SPTB: variants seen among roughly 807,000 people sequenced by gnomAD.
SPTB encodes the protein spectrin beta, erythrocytic, also known as spectrin beta chain, erythrocytic.
A neutral mutation model predicts 256.2 loss-of-function variants in SPTB; 45 were observed. The observed-to-expected ratio is 0.18, with a 90% CI of 0.14 to 0.23. The LOEUF is 0.23. SPTB is among the 10% of genes least tolerant of loss of function. The probability of loss-of-function intolerance (pLI) is 1.00; values close to 1 mark genes in which losing one functional copy is unlikely to be tolerated. For missense variants in SPTB, 2,715 were observed against 3,040.4 expected, an observed-to-expected ratio of 0.89 and a Z score of 2.52; for synonymous variants, 1,231 against 1,243.1, an observed-to-expected ratio of 0.99 and a Z score of 0.21.
rs1391914422 is a variant in SPTB at position 64,792,415 on chromosome 14, T to C, written c.2667-559A>G. 1.3e-5 allele frequency among the ~76,000 whole-genome samples: 2 copies of C among 152,210 alleles called. No homozygotes were observed. The highest frequency in any genetic ancestry group is 2.9e-5 in the Non-Finnish European group (2 of 68,034). On this transcript the variant is annotated intron_variant, in intron 14 of 35. Coordinates refer to ENST00000644917, the MANE Select transcript of SPTB (RefSeq NM_001355436.2). This position sits in a 1 kb window ranked among gnomAD's most constrained non-coding sequence, Gnocchi z 4.2. ...CTCCAGCATCAGTGCAGCACCACCTTGGCACTGTTCCAGAGAGCGGCCTCT... is the reference window on the plus strand; with the variant it reads ...CTCCAGCATCAGTGCAGCACCACCTCGGCACTGTTCCAGAGAGCGGCCTCT...
chr14:64,830,355 A>G (rs868623072), intron 1 of SPTB, among the ~76,000 whole-genome samples: 2 of 128,112 alleles, frequency 1.6e-5, no homozygotes, highest in African/African-American at 3.5e-5. Flanking sequence ...TATTATTATT[A>G]TTATTATTAT....
chr14:64,859,657 T>A (rs1170116790), intron 1 of SPTB, among the ~76,000 whole-genome samples: 2 of 151,802 alleles, frequency 1.3e-5, no homozygotes, highest in African/African-American at 4.9e-5. Flanking sequence ...GGTGGGTGGA[T>A]CACTTGAGCC....
chr14:64,870,164 C>T (rs1882445380), intron 1 of SPTB, among the ~76,000 whole-genome samples: 1 of 152,080 alleles, frequency 6.6e-6, no homozygotes, highest in Non-Finnish European at 1.5e-5. Flanking sequence ...GCAATCAGCG[C>T]TACCCCAGGA....
At position 64,779,113 on chromosome 14, in the gene SPTB, G is replaced by C. The variant is rs771205408; in HGVS notation, c.4563+44C>G. 1 of 1,529,802 alleles carries C rather than the reference G, an allele frequency of 6.5e-7. No individual in the cohort carries two copies. Among genetic ancestry groups the C allele is most frequent in the East Asian group, 2.3e-5 (1 of 43,048 alleles). The allele number at this position is 1,529,802 out of a possible 1,614,324, so 94.8% of individuals were successfully genotyped here. A position where few individuals can be genotyped will look rare whatever the true frequency, so the allele number is the denominator to read the frequency against. On this transcript the variant is annotated intron_variant, in intron 22 of 35. Transcript: ENST00000644917. The surrounding 1 kb of genome is among the most constrained non-coding windows in gnomAD (Gnocchi z 4.2). The stretch of plus-strand genomic sequence containing the variant: ...CCTACCCCCGTGGGGCCAGGTGGGG[G>C]TGAGGAGGGGTGGGTGGGGCTGGTG...
chr14:64,875,523 C>CA (rs1297529171), intron 1 of SPTB, among the ~76,000 whole-genome samples: 1 of 152,228 alleles, frequency 6.6e-6, no homozygotes, highest in Non-Finnish European at 1.5e-5. Context: ...TCTCCATCTC[C>CA]AAAACAGGTG....
intron 3 of SPTB, 56 bp from the exon 4 acceptor site, chr14:64,803,836 G>A (rs914426015): frequency 2.6e-6 from 4 of 1,545,680 alleles, no homozygotes; most frequent in Non-Finnish European, 3.5e-6. Flanking sequence ...TCATCCCAGA[G>A]GCTGCAGCGT....
chr14:64,790,225 T>C lies in SPTB; in HGVS notation c.2804+1494A>G, dbSNP rs529870245. Among the ~76,000 whole-genome samples the C allele has an allele frequency of 1.3e-5, 2 of 152,164 alleles. No homozygotes were observed. Among genetic ancestry groups the C allele is most frequent in the African/African-American group, 2.4e-5 (1 of 41,430 alleles). The stretch of plus-strand genomic sequence containing the variant: ...TTTAATTTCATGCCTCGGGTTTTTT[T>C]CTCACTTAAGGATGGCAGGTACCTT... On this transcript the variant is annotated intron_variant, in intron 15 of 35. Coordinates refer to ENST00000644917, the MANE Select transcript of SPTB (RefSeq NM_001355436.2). The surrounding 1 kb of genome is among the most constrained non-coding windows in gnomAD (Gnocchi z 4.8).
rs1412652366 is a variant in SPTB at position 64,816,400 on chromosome 14, C to T, written c.148+6547G>A. ...CCCAGGACCTTGGCAACACCGGTGGCCTATCAGGCCTGTGAAGTGGCCCCT... is the reference window on the plus strand; with the variant it reads ...CCCAGGACCTTGGCAACACCGGTGGTCTATCAGGCCTGTGAAGTGGCCCCT... On this transcript the variant is annotated intron_variant, in intron 2 of 35. Coordinates refer to ENST00000644917, the MANE Select transcript of SPTB (RefSeq NM_001355436.2). This position sits in a 1 kb window ranked among gnomAD's most constrained non-coding sequence, Gnocchi z 4.2. 6.6e-6 allele frequency among the ~76,000 whole-genome samples: 1 copy of T among 152,176 alleles called. No homozygotes were observed.
chr14:64,779,315 G>T lies in SPTB; in HGVS notation c.4474-69C>A. On this transcript the variant is annotated intron_variant, in intron 21 of 35. Transcript: ENST00000644917. The surrounding 1 kb of genome is among the most constrained non-coding windows in gnomAD (Gnocchi z 4.2). ...CCAACCTTTCCTGAGTGCTCACCAT[G>T]GGCGGCGCAGAGCTTTGCTGGCAGT... The T allele has an allele frequency of 7.6e-7, 1 of 1,318,898 alleles. No homozygotes were observed. Among genetic ancestry groups the T allele is most frequent in the Non-Finnish European group, 1.1e-6 (1 of 927,330 alleles). The allele number at this position is 1,318,898 out of a possible 1,614,324, so 81.7% of individuals were successfully genotyped here. A position where few individuals can be genotyped will look rare whatever the true frequency, so the allele number is the denominator to read the frequency against.
intron 2 of SPTB, among the ~76,000 whole-genome samples, chr14:64,814,536 G>C (rs1171852844): frequency 1.3e-5 from 2 of 152,026 alleles, no homozygotes; most frequent in African/African-American, 4.8e-5. Context: ...TTATTTTTGA[G>C]GCAGAGTCTC....
In SPTB at chr14:64,766,709, C is replaced by T. The variant is rs770745304; in HGVS notation, c.6345+17G>A. 16 of 1,613,484 alleles carry T rather than the reference C, an allele frequency of 9.9e-6. No homozygotes were observed. Among genetic ancestry groups the T allele is most frequent in the Admixed American group, 5.0e-5 (3 of 59,986 alleles). On this transcript the variant is annotated intron_variant, in intron 32 of 35. Transcript: ENST00000644917. Reference sequence around the variant, plus strand: ...CAGTGACTCCCAGGAACTAGACAAACGAGACCAGAGACTGACCGGGGACGT... The same window carrying T: ...CAGTGACTCCCAGGAACTAGACAAATGAGACCAGAGACTGACCGGGGACGT...
chr14:64,772,490 T>C lies in SPTB; in HGVS notation c.5553+90A>G. ...AGGCAAAACCTCCTGGCACTTATCC[T>C]AGAGGTTTTCCTGCTGACAGCCAGG... On this transcript the variant is annotated intron_variant, in intron 26 of 35. Coordinates refer to ENST00000644917, the MANE Select transcript of SPTB (RefSeq NM_001355436.2). The surrounding 1 kb of genome is among the most constrained non-coding windows in gnomAD (Gnocchi z 5.4). 5 of 1,547,892 alleles carry C rather than the reference T, an allele frequency of 3.2e-6. No individual in the cohort carries two copies. Among genetic ancestry groups the C allele is most frequent in the Non-Finnish European group, 4.3e-6 (5 of 1,151,294 alleles).
rs1279278199 is a variant in SPTB, at chr14:64,826,022, C to T, written c.-51-2877G>A. Among the ~76,000 whole-genome samples, 2 of 152,170 alleles carry T rather than the reference C, an allele frequency of 1.3e-5. No individual in the cohort carries two copies. The highest frequency in any genetic ancestry group is 4.8e-5 in the African/African-American group (2 of 41,432). ...TTGGAAAGAGTCAGGTCCCTGAAAACAAACACCAAGGAAAGATGATTCAGA... is the reference window on the plus strand; with the variant it reads ...TTGGAAAGAGTCAGGTCCCTGAAAATAAACACCAAGGAAAGATGATTCAGA... On this transcript the variant is annotated intron_variant, in intron 1 of 35. Coordinates refer to ENST00000644917, the MANE Select transcript of SPTB (RefSeq NM_001355436.2). This position sits in a 1 kb window ranked among gnomAD's most constrained non-coding sequence, Gnocchi z 4.4.
At chr14:64,843,056 C>T (rs56018235) in intron 1 of SPTB, among the ~76,000 whole-genome samples, 4,675 of 151,906 alleles carry the variant, frequency 0.031, 95 homozygotes, top group Middle Eastern at 0.065. Context: ...CAGAATGAGA[C>T]CCTGTCTCAA....
chr14:64,786,956 G>A lies in SPTB; in HGVS notation c.3009C>T (p.Asp1003=), dbSNP rs181246065. 2.7e-5 allele frequency: 44 copies of A among 1,613,862 alleles called. No homozygotes were observed. In the East Asian group the frequency reaches 4.9e-4, roughly 18 times the overall value. Residue 1003 remains aspartate (D), a synonymous_variant, in exon 16 of 36, where the codon GAC becomes GAT. Coordinates refer to ENST00000644917, the MANE Select transcript of SPTB (RefSeq NM_001355436.2). The surrounding 1 kb of genome is among the most constrained non-coding windows in gnomAD (Gnocchi z 5.6). The part of the protein sequence containing the change: ...IQRKLSGLER[D]VAAIQARVDA... ...CCACACGGGCCTGGATGGCGGCCACGTCACGCTCCAGCCCTGACAACTTCC... is the reference window on the plus strand; with the variant it reads ...CCACACGGGCCTGGATGGCGGCCACATCACGCTCCAGCCCTGACAACTTCC...
rs1405209052 is a variant in SPTB, at chr14:64,785,604, G to C, written c.3788C>G (p.Ala1263Gly). 1 of 1,614,098 alleles carries C rather than the reference G, an allele frequency of 6.2e-7. No homozygotes were observed. ...TCTCAGTAGGACAGAGGCCTCCTGGGCCTTCTCGTTGTTCTTCCTGTGCCT... is the reference window on the plus strand; with the variant it reads ...TCTCAGTAGGACAGAGGCCTCCTGGCCCTTCTCGTTGTTCTTCCTGTGCCT... ...EDRHRKNNEKAQEASVLLRDN... is the reference protein window; with the variant it reads ...EDRHRKNNEKGQEASVLLRDN... Residue 1263 changes from alanine (A) to glycine (G), a missense_variant, in exon 18 of 36, where the codon GCC becomes GGC. Ala to Gly is a moderately conservative substitution (Grantham distance 60). Around this residue, in one of 4 missense-constraint regions of SPTB, gnomAD observed 2,239 missense variants for 2,384.4 expected, o/e 0.94. Transcript: ENST00000644917. This position sits in a 1 kb window ranked among gnomAD's most constrained non-coding sequence, Gnocchi z 4.4.
In SPTB at chr14:64,758,562, A is replaced by C. The variant is rs903509492; in HGVS notation, c.6346-4769T>G. On this transcript the variant is annotated intron_variant, in intron 32 of 35. Transcript: ENST00000644917. The surrounding 1 kb of genome is among the most constrained non-coding windows in gnomAD (Gnocchi z 4.6). ...TGCTGCTGAGTGGAGGGCTCTGGTA[A>C]TTCACAAGTGGATTTTACAAACAGC... Among the ~76,000 whole-genome samples, 2 of 152,270 alleles carry C rather than the reference A, an allele frequency of 1.3e-5. No individual in the cohort carries two copies. The highest frequency in any genetic ancestry group is 4.8e-5 in the African/African-American group (2 of 41,482).
At chr14:64,870,588 A>G (rs991188248) in intron 1 of SPTB, among the ~76,000 whole-genome samples, 1 of 152,240 alleles carries the variant, frequency 6.6e-6, no homozygotes, top group East Asian at 1.9e-4. Context: ...TTGATGACGA[A>G]CTATCACCCA....
At chr14:64,859,704 C>CTCTG (rs2083928943) in intron 1 of SPTB, among the ~76,000 whole-genome samples, 1 of 15,270 alleles carries the variant, frequency 6.5e-5, no homozygotes, top group East Asian at 3.0e-4. Flanking sequence ...GTCTCTCTCT[C>CTCTG]TCTCTCTCTC....
Sources: gnomAD v4.1 joint callset for allele counts (sites outside exome capture counted in the v4.1 genomes callset) on GRCh38, gnomAD v4.1.1 for gene constraint, gnomAD v4.1.1 regional missense constraint, Gnocchi (gnomAD v3.1) non-coding constraint, MANE v1.5 for transcripts, NCBI Gene and HGNC (gene_info 2026-07-23, HGNC 2026-07-21) for gene names.